Variants in RAB27B observed in about 807,000 individuals in gnomAD.
The protein encoded by RAB27B is ras-related protein Rab-27B.
A neutral mutation model predicts 24.6 loss-of-function variants in RAB27B; 15 were observed. The ratio of observed to expected loss-of-function variants is 0.61; its 90% CI spans 0.41 to 0.94. The LOEUF (loss-of-function observed/expected upper bound fraction) is 0.94. RAB27B is among the 40% of genes least tolerant of loss of function. The pLI, the probability that RAB27B is intolerant of heterozygous loss-of-function variation, is 0.00. For missense variants in RAB27B, 261 were observed against 266.8 expected (o/e 0.98, Z 0.15); for synonymous variants, 105 against 92.5 (o/e 1.14, Z -0.78).
At chr18:54,841,843 A>G (rs1382509212) in intron 1 of RAB27B, among the ~76,000 whole-genome samples, 1 of 152,248 alleles carries the variant, frequency 6.6e-6, no homozygotes, top group African/African-American at 2.4e-5. Flanking sequence ...GAAATAAGAC[A>G]CCAATATACT....
rs537869915 is a variant in RAB27B, at chr18:54,771,925, C to A, written c.-20+53784C>A. Among the ~76,000 whole-genome samples, 88 of 152,258 alleles carry A rather than the reference C, an allele frequency of 5.8e-4. 1 individual carries two copies. The highest frequency in any genetic ancestry group is 9.8e-4 in the Non-Finnish European group (67 of 68,032). ...GGCAAAGCCTACTCACTACTTTAGG[C>A]AGTTAAGAGAAAAATATATCATCTC... On this transcript the variant is annotated intron_variant, in intron 2 of 4. Transcript: ENST00000586570.
chr18:54,743,563 A>G (rs1045292807), intron 2 of RAB27B, among the ~76,000 whole-genome samples: 2 of 152,204 alleles, frequency 1.3e-5, no homozygotes, highest in Admixed American at 1.3e-4. Context: ...CATTCAGACA[A>G]TAAATGCGGG....
chr18:54,840,041 TAATG>T (rs779179251), intron 1 of RAB27B, among the ~76,000 whole-genome samples: 22 of 152,218 alleles, frequency 1.4e-4, no homozygotes, highest in Non-Finnish European at 2.4e-4. Context: ...TAATTGGAAA[TAATG>T]AAGCTTTTTA....
At chr18:54,743,403 T>C (rs1469241688) in intron 2 of RAB27B, among the ~76,000 whole-genome samples, 1 of 152,168 alleles carries the variant, frequency 6.6e-6, no homozygotes, top group Non-Finnish European at 1.5e-5. Context: ...AATGCAAATA[T>C]GGAAATGCAG....
intron 4 of RAB27B, among the ~76,000 whole-genome samples, chr18:54,884,838 A>T (rs550761038): frequency 6.6e-6 from 1 of 152,094 alleles, no homozygotes; most frequent in African/African-American, 2.4e-5. Flanking sequence ...TTCTGAGGGG[A>T]CACTGGCACT....
intron 1 of RAB27B, among the ~76,000 whole-genome samples, chr18:54,872,789 T>C (rs1316951053): frequency 6.6e-6 from 1 of 152,184 alleles, no homozygotes; most frequent in East Asian, 1.9e-4. Flanking sequence ...ATGAGATTAA[T>C]TTCATTAATC....
chr18:54,791,852 G>A (rs1009916884), intron 2 of RAB27B, among the ~76,000 whole-genome samples: 1 of 152,196 alleles, frequency 6.6e-6, no homozygotes, highest in African/African-American at 2.4e-5. Flanking sequence ...TGGCAAGCCA[G>A]CAGGCCATCA....
chr18:54,781,749 G>T (rs375456796), intron 2 of RAB27B, among the ~76,000 whole-genome samples: 93 of 152,258 alleles, frequency 6.1e-4, no homozygotes, highest in South Asian at 4.4e-3. Flanking sequence ...TTCTTTGCTG[G>T]TTAAGCAGTA....
intron 2 of RAB27B, among the ~76,000 whole-genome samples, chr18:54,764,475 C>A (rs1168340709): frequency 3.3e-5 from 5 of 152,108 alleles, no homozygotes; most frequent in Non-Finnish European, 7.4e-5. Flanking sequence ...TTCTCGTCTG[C>A]ACAATGGGAA....
At chr18:54,839,177 C>T (rs1911011921) in intron 1 of RAB27B, among the ~76,000 whole-genome samples, 1 of 152,102 alleles carries the variant, frequency 6.6e-6, no homozygotes, top group South Asian at 2.1e-4. Flanking sequence ...CAATAAGCAA[C>T]CCCGTTTTCA....
upstream of RAB27B, among the ~76,000 whole-genome samples, chr18:54,826,507 G>A (rs1215721344): frequency 2.6e-5 from 4 of 152,104 alleles, no homozygotes; most frequent in African/African-American, 7.2e-5. Flanking sequence ...CTGAATCTGA[G>A]CCTTGGAACC....
intron 3 of RAB27B, chr18:54,880,679 A>G (rs1418607643): frequency 6.6e-6 from 1 of 152,162 alleles, no homozygotes; most frequent in Non-Finnish European, 1.5e-5. Flanking sequence ...ACAAAGATGT[A>G]TGTTTTACAG....
chr18:54,725,064 C>T (rs1299969538), intron 2 of RAB27B, among the ~76,000 whole-genome samples: 2 of 151,304 alleles, frequency 1.3e-5, no homozygotes, highest in Non-Finnish European at 3.0e-5. Context: ...ACTCCTGTGG[C>T]AGAGAGGTGT....
chr18:54,867,912 C>T (rs991269702), intron 1 of RAB27B, among the ~76,000 whole-genome samples: 2 of 152,096 alleles, frequency 1.3e-5, no homozygotes, highest in African/African-American at 4.8e-5. Context: ...AATGACTTAC[C>T]AAAGAAACTG....
intron 1 of RAB27B, among the ~76,000 whole-genome samples, chr18:54,832,275 A>G (rs918973183): frequency 6.6e-6 from 1 of 152,182 alleles, no homozygotes; most frequent in African/African-American, 2.4e-5. Flanking sequence ...GAACTTACTA[A>G]TAAATTGGAT....
chr18:54,823,379 A>C (rs1236441787), intron 2 of RAB27B, among the ~76,000 whole-genome samples: 2 of 152,110 alleles, frequency 1.3e-5, no homozygotes, highest in African/African-American at 4.8e-5. Flanking sequence ...CTGCAATCGC[A>C]AGAGAAGGGT....
chr18:54,815,702 T>TA (rs1910100309), intron 2 of RAB27B, among the ~76,000 whole-genome samples: 1 of 152,366 alleles, frequency 6.6e-6, no homozygotes, highest in South Asian at 2.1e-4. Flanking sequence ...AGGACCATTT[T>TA]AAGAAACCAC....
At chr18:54,860,669 A>G (rs1288615015) in intron 1 of RAB27B, among the ~76,000 whole-genome samples, 5 of 152,246 alleles carry the variant, frequency 3.3e-5, no homozygotes, top group South Asian at 4.1e-4. Flanking sequence ...CCCCAATAAC[A>G]TAAGAGTTAA....
rs1003999679 is a variant in RAB27B, at chr18:54,889,211, C to T, written c.468-13C>T. ...CTTCCTCTCAAAAATATTTGCCATC[C>T]TTTCTATGCTAGCATACCATATTTT... On this transcript the variant is annotated splice_polypyrimidine_tract_variant and intron_variant, in intron 5 of 5. Transcript: ENST00000262094. The T allele has an allele frequency of 6.3e-7, 1 of 1,589,034 alleles. No individual in the cohort carries two copies. The highest frequency in any genetic ancestry group is 8.6e-7 in the Non-Finnish European group (1 of 1,169,228).
Sources: gnomAD v4.1 joint callset for allele counts (sites outside exome capture counted in the v4.1 genomes callset) on GRCh38, gnomAD v4.1.1 for gene constraint, MANE v1.5 for transcripts, NCBI Gene and HGNC (gene_info 2026-07-23, HGNC 2026-07-21) for gene names.